The following UPF3B variants were observed in gnomAD, a reference collection of about 807,000 sequenced individuals.
The protein encoded by UPF3B is regulator of nonsense transcripts 3B.
In UPF3B, 7 loss-of-function variants were observed where a neutral mutation model predicts 40.3. The observed-to-expected ratio is 0.17, with a 90% confidence interval of 0.10 to 0.33. UPF3B has a LOEUF of 0.33. Ranked by LOEUF, UPF3B falls within the 10% of genes least tolerant of loss-of-function variation. The pLI, the probability that UPF3B is intolerant of heterozygous loss-of-function variation, is 1.00. For missense variants in UPF3B, 229 were observed against 358.9 expected, an observed-to-expected ratio of 0.64 and a Z score of 2.93; for synonymous variants, 117 against 117.3, an observed-to-expected ratio of 1.00 and a Z score of 0.01.
intron 3 of UPF3B, 100 bp from the exon 4 acceptor site, chrX:119,845,396 A>T: frequency 1.5e-6 from 1 of 669,802 alleles, no homozygotes; most frequent in Non-Finnish European, 2.3e-6. Flanking sequence ...TTTTGATGGC[A>T]GTCATCTGAA....
At chrX:119,838,702 T>C (rs779226833) in intron 8 of UPF3B, among the ~76,000 whole-genome samples, 175 bp from the exon 9 acceptor site, 12 of 111,797 alleles carry the variant, frequency 1.1e-4, no homozygotes, top group Non-Finnish European at 2.1e-4. Context: ...ACTAAAAGGA[T>C]GCTATTAATG....
intron 3 of UPF3B, among the ~76,000 whole-genome samples, chrX:119,824,768 T>C (rs892539616): frequency 9.6e-5 from 9 of 93,567 alleles, no homozygotes; most frequent in Non-Finnish European, 1.5e-4. Flanking sequence ...TTCTTTCTTT[T>C]TTTTTTTTTT....
At chrX:119,827,026 G>A (rs1025089707) in intron 3 of UPF3B, among the ~76,000 whole-genome samples, 13 of 111,821 alleles carry the variant, frequency 1.2e-4, no homozygotes, top group African/African-American at 3.6e-4. Context: ...AGAAAAATGC[G>A]CAGGAAAGTT....
chrX:119,844,754 C>T (rs954181600), intron 4 of UPF3B, among the ~76,000 whole-genome samples: 4 of 111,137 alleles, frequency 3.6e-5, no homozygotes, highest in Non-Finnish European at 7.5e-5. Flanking sequence ...CAGGCATGCA[C>T]CACCATACCC....
chrX:119,822,934 C>T lies in UPF3B; in HGVS notation c.494+8G>A, dbSNP rs1020918807. The T allele has an allele frequency of 5.5e-6, 5 of 917,404 alleles. No homozygotes were observed. In the Admixed American group the frequency reaches 1.7e-4, roughly 30 times the overall value. The allele number at this position is 917,404 out of a possible 1,213,427, so 75.6% of individuals were successfully genotyped here. On this transcript the variant is annotated splice_region_variant and intron_variant, in intron 4 of 6. Transcript: ENST00000636792. ...CTCCTCTTCTTTTCTATGGCTAATA[C>T]CACTTTCCTGCTTTCTTTCTACTGC...
At chrX:119,817,993 G>C (rs1012446115) in intron 4 of UPF3B, among the ~76,000 whole-genome samples, 2 of 111,836 alleles carry the variant, frequency 1.8e-5, no homozygotes, top group African/African-American at 6.5e-5. Flanking sequence ...TAGGCCAGGC[G>C]CAGTGGCTCA....
chrX:119,840,284 A>G (rs2056146064), intron 8 of UPF3B, among the ~76,000 whole-genome samples: 1 of 111,528 alleles, frequency 9.0e-6, no homozygotes, highest in Non-Finnish European at 1.9e-5. Flanking sequence ...GGAAGATACT[A>G]CGGGAGTCAT....
At chrX:119,806,027 T>C (rs1287326272) in intron 6 of UPF3B, among the ~76,000 whole-genome samples, 12 of 78,168 alleles carry the variant, frequency 1.5e-4, no homozygotes, top group Admixed American at 1.4e-3. Context: ...TAAAGACACA[T>C]GCACACGTAT....
rs1235422623 is a variant in UPF3B, at chrX:119,834,161, C to T, written c.*717G>A. 1.9e-5 allele frequency: 14 copies of T among 753,464 alleles called. No individual in the cohort carries two copies. The highest frequency in any genetic ancestry group is 2.0e-5 in the Non-Finnish European group (13 of 639,557). The allele number at this position is 753,464 out of a possible 1,213,427, so 62.1% of individuals were successfully genotyped here. A position where few individuals can be genotyped will look rare whatever the true frequency, so the allele number is the denominator to read the frequency against. On this transcript the variant is annotated 3_prime_UTR_variant, in exon 11 of 11. Coordinates refer to ENST00000276201, the MANE Select transcript of UPF3B (RefSeq NM_080632.3). ...GCACTCAGATCATGAGACCTAAGAT[C>T]AAACACACTGGATTGTCAAGAGTCA...
At chrX:119,815,817 G>T (rs1203819117) in intron 4 of UPF3B, among the ~76,000 whole-genome samples, 1 of 111,889 alleles carries the variant, frequency 8.9e-6, no homozygotes, top group Non-Finnish European at 1.9e-5. Context: ...GTTTCGCTCT[G>T]GTTGTCCAGG....
At position 119,851,820 on chromosome X, in the gene UPF3B, A is replaced by T. The variant is rs745494517; in HGVS notation, c.210T>A (p.His70Gln). The T allele has an allele frequency of 8.6e-7, 1 of 1,159,701 alleles. No homozygotes were observed. Among genetic ancestry groups the T allele is most frequent in the South Asian group, 1.8e-5 (1 of 55,563 alleles). The change falls in exon 2 of 11, where the codon CAT becomes CAA. Residue 70 changes from histidine to glutamine, a missense_variant. Transcript: ENST00000276201. ...AATCATGCTCAGGCATAGGTTGAAGATGTTCCTGAAGCTGCTCCTTGGTCA... is the reference window on the plus strand; with the variant it reads ...AATCATGCTCAGGCATAGGTTGAAGTTGTTCCTGAAGCTGCTCCTTGGTCA... ...PTLTKEQLQE[H>Q]LQPMPEHDYF...
chrX:119,828,935 G>A (rs1171177966), intron 3 of UPF3B, among the ~76,000 whole-genome samples: 1 of 111,222 alleles, frequency 9.0e-6, no homozygotes, highest in Non-Finnish European at 1.9e-5. Context: ...TGGCCATGCT[G>A]GTTTTGAACT....
rs1218778977 is a variant in UPF3B at position 119,852,840 on chromosome X, G to A, written c.89C>T (p.Ser30Leu). The A allele has an allele frequency of 7.4e-6, 9 of 1,212,171 alleles. No homozygotes were observed. In the East Asian group the frequency reaches 2.4e-4, roughly 32 times the overall value. The part of the protein sequence containing the change: ...AGATGSGGGT[S>L]GDSSKGEDKQ... ...ATCTTCCCCCTTGGAGCTGTCCCCC[G>A]AGGTCCCACCACCGCTGCCTGTGGC... The change falls in exon 1 of 11, where the codon TCG (serine) becomes TTG (leucine). Residue 30 changes from serine to leucine, a missense_variant. Transcript: ENST00000276201.
chrX:119,812,533 G>A (rs750591671), intron 5 of UPF3B, among the ~76,000 whole-genome samples: 2 of 111,457 alleles, frequency 1.8e-5, no homozygotes, highest in Admixed American at 9.6e-5. Context: ...ACCATTCAGC[G>A]GCATCCAACC....
intron 3 of UPF3B, among the ~76,000 whole-genome samples, chrX:119,846,256 C>T (rs1450589849): frequency 6.3e-5 from 7 of 111,123 alleles, no homozygotes; most frequent in Non-Finnish European, 9.4e-5. Flanking sequence ...ATCACTTGAA[C>T]CCAGGAGGCA....
chrX:119,841,029 T>C, intron 7 of UPF3B, 47 bp downstream of exon 7: 1 of 1,185,015 alleles, frequency 8.4e-7, no homozygotes, highest in African/African-American at 1.7e-5. Context: ...AAGAAGTAGA[T>C]ACGTGCAATT....
At chrX:119,810,279 T>C (rs1380865904) in intron 5 of UPF3B, among the ~76,000 whole-genome samples, 2 of 112,392 alleles carry the variant, frequency 1.8e-5, no homozygotes, top group East Asian at 2.8e-4. Flanking sequence ...GTAGGCTCTA[T>C]TGGTTGCTAC....
chrX:119,843,584 G>C (rs924934298), intron 4 of UPF3B, among the ~76,000 whole-genome samples: 5 of 111,919 alleles, frequency 4.5e-5, no homozygotes, highest in African/African-American at 1.6e-4. Flanking sequence ...TACATAGTTT[G>C]CTTTTAAAAG....
At chrX:119,845,041 C>T (rs1218993823) in intron 4 of UPF3B, among the ~76,000 whole-genome samples, 157 bp downstream of exon 4, 2 of 112,575 alleles carry the variant, frequency 1.8e-5, no homozygotes, top group African/African-American at 6.5e-5. Flanking sequence ...TCTAGTCTAA[C>T]AATTAAGCAA....
Sources: gnomAD v4.1 joint callset for allele counts (sites outside exome capture counted in the v4.1 genomes callset) on GRCh38, gnomAD v4.1.1 for gene constraint, MANE v1.5 for transcripts, NCBI Gene and HGNC (gene_info 2026-07-23, HGNC 2026-07-21) for gene names.